SMYD4: variants seen among roughly 807,000 people sequenced by gnomAD.
The protein encoded by SMYD4 is SET and MYND domain containing 4, also known as protein-lysine N-methyltransferase SMYD4.
SMYD4 carries 68 observed loss-of-function variants against 72.8 expected under a neutral mutation model. The observed-to-expected ratio is 0.93, with a 90% CI of 0.77 to 1.14. The LOEUF is 1.14. SMYD4 is among the 50% of genes most tolerant of loss of function. The pLI, the probability that SMYD4 is intolerant of heterozygous loss-of-function variation, is 0.00. For synonymous variants in SMYD4, 407 were observed against 388.6 expected (o/e 1.05, Z -0.56); for missense variants, 984 against 1,003.7 (o/e 0.98, Z 0.27).
In SMYD4 at chr17:1,800,741, T is replaced by C; in HGVS notation, c.653A>G (p.Asp218Gly). 6.2e-7 allele frequency: 1 copy of C among 1,614,218 alleles called. No homozygotes were observed. The highest frequency in any genetic ancestry group is 1.3e-5 in the African/African-American group (1 of 75,062). The stretch of plus-strand genomic sequence containing the variant: ...TTCATTCTCCTCCCTCAGCGCTGCA[T>C]CCTCAAGGGTTTTGGCCAGAGCTGC... ...FPAALAKTLE[D>G]AALREENEQL... is the part of the protein sequence containing the mutation. Residue 218 changes from aspartate to glycine, a missense_variant, in exon 5 of 11, where the codon GAT becomes GGT. By Grantham distance (94) the Asp-to-Gly change is moderately conservative. Coordinates refer to ENST00000305513, the MANE Select transcript of SMYD4 (RefSeq NM_052928.3).
intron 5 of SMYD4, among the ~76,000 whole-genome samples, chr17:1,796,788 T>C (rs5005394): frequency 0.75 from 113,950 of 152,056 alleles, 43,528 homozygotes; most frequent in Non-Finnish European, 0.81. Flanking sequence ...AACTTTCTGC[T>C]ATTTAATTGG....
At chr17:1,816,138 C>T (rs1910580597) in intron 2 of SMYD4, among the ~76,000 whole-genome samples, 1 of 152,150 alleles carries the variant, frequency 6.6e-6, no homozygotes, top group Non-Finnish European at 1.5e-5. Flanking sequence ...ACTCCTCATT[C>T]CTCCCTCTCC....
At chr17:1,823,027 T>C (rs1399130050) in intron 2 of SMYD4, among the ~76,000 whole-genome samples, 8 of 152,040 alleles carry the variant, frequency 5.3e-5, no homozygotes, top group Non-Finnish European at 1.2e-4. Context: ...TAAGTGAATC[T>C]ATAAATCCAA....
chr17:1,796,430 C>T (rs1909415729), intron 5 of SMYD4, among the ~76,000 whole-genome samples: 1 of 150,728 alleles, frequency 6.6e-6, no homozygotes, highest in Admixed American at 6.7e-5. Flanking sequence ...GCCACTGCGG[C>T]TGGCTTCAGG....
Position 1,800,362 on chromosome 17 carries a change from C to G in SMYD4, c.1032G>C (p.Leu344=). ...TCAGGGCAATGTGGCAAAAGACACC[C>G]AGTGTGAGAAGCAGCCCTCCCAGAG... ...ECPLGGLLLT[L]GVFCHIALRL... The change falls in exon 5 of 11, where the codon CTG becomes CTC. Residue 344 remains leucine (L), a synonymous_variant. Coordinates refer to ENST00000305513, the MANE Select transcript of SMYD4 (RefSeq NM_052928.3). 1 of 1,614,162 alleles carries G rather than the reference C, an allele frequency of 6.2e-7. No individual in the cohort carries two copies. The highest frequency in any genetic ancestry group is 8.5e-7 in the Non-Finnish European group (1 of 1,180,036).
intron 2 of SMYD4, among the ~76,000 whole-genome samples, chr17:1,823,750 G>C (rs1292082144): frequency 1.3e-5 from 2 of 152,114 alleles, no homozygotes; most frequent in African/African-American, 4.8e-5. Flanking sequence ...AAATTCAGTT[G>C]ACCTGAGCCC....
intron 5 of SMYD4, among the ~76,000 whole-genome samples, chr17:1,798,896 C>A (rs1597378017): frequency 2.7e-5 from 4 of 148,222 alleles, no homozygotes; most frequent in African/African-American, 7.4e-5. Context: ...GACTCTGTCT[C>A]AAAAAAAAAA....
At chr17:1,806,243 G>C (rs1910030054) in intron 3 of SMYD4, among the ~76,000 whole-genome samples, 1 of 152,156 alleles carries the variant, frequency 6.6e-6, no homozygotes, top group African/African-American at 2.4e-5. Context: ...TGGAAGAACT[G>C]TAGAAAGCAT....
At chr17:1,821,847 C>T (rs1910908611) in intron 2 of SMYD4, among the ~76,000 whole-genome samples, 1 of 151,748 alleles carries the variant, frequency 6.6e-6, no homozygotes, top group Admixed American at 6.6e-5. Flanking sequence ...ATGAGAATCG[C>T]TTGAACCTGG....
chr17:1,798,005 A>C (rs932007947), intron 5 of SMYD4, among the ~76,000 whole-genome samples: 7 of 151,946 alleles, frequency 4.6e-5, no homozygotes, highest in African/African-American at 1.7e-4. Context: ...CCATCTCAGA[A>C]AAAAAAAGAA....
At chr17:1,824,677 T>C (rs1418631131) in intron 2 of SMYD4, among the ~76,000 whole-genome samples, 5 of 152,150 alleles carry the variant, frequency 3.3e-5, no homozygotes, top group South Asian at 2.1e-4. Context: ...TGGAGAGCAG[T>C]GGCACAATCT....
In SMYD4 at chr17:1,808,860, C is replaced by A. The variant is rs542116604; in HGVS notation, c.279+3111G>T. ...ATGGACTTTAATCCCTCAGCAACCA[C>A]TAAAGCTTACATTATTTAGCTAAAT... On this transcript the variant is annotated intron_variant, in intron 3 of 10. Coordinates refer to ENST00000305513, the MANE Select transcript of SMYD4 (RefSeq NM_052928.3). Among the ~76,000 whole-genome samples, 181 of 152,314 alleles carry A rather than the reference C, an allele frequency of 1.2e-3. 1 individual carries two copies. The highest frequency in any genetic ancestry group is 4.3e-3 in the African/African-American group (177 of 41,562).
chr17:1,787,478 G>A lies in SMYD4; in HGVS notation c.1664C>T (p.Ala555Val). The A allele has an allele frequency of 6.4e-7, 1 of 1,569,534 alleles. No homozygotes were observed. Among genetic ancestry groups the A allele is most frequent in the Non-Finnish European group, 8.6e-7 (1 of 1,157,158 alleles). Residue 555 changes from alanine to valine, a missense_variant, in exon 6 of 11, where the codon GCC becomes GTC. Physicochemically the swap from Ala to Val is moderately conservative, Grantham distance 64. Coordinates refer to ENST00000305513, the MANE Select transcript of SMYD4 (RefSeq NM_052928.3). ...AATCCGCTGTGACGCCCGGATGGTG[G>A]CGACAGTGCTAATGAAGGACACGCT... The part of the protein sequence containing the change: ...NTSVSFISTV[A>V]TIRASQRIRK...
intron 2 of SMYD4, among the ~76,000 whole-genome samples, chr17:1,824,725 T>TTC (rs1318839078): frequency 1.3e-5 from 2 of 152,132 alleles, no homozygotes; most frequent in Non-Finnish European, 2.9e-5. Flanking sequence ...GTTCAAGCAA[T>TTC]TCTCCTGTCT....
chr17:1,828,119 G>C (rs936426494), intron 1 of SMYD4, 113 bp from the exon 2 acceptor site: 1 of 1,013,944 alleles, frequency 9.9e-7, no homozygotes. Flanking sequence ...GGGAAGCCGA[G>C]GTAGGTGGAT....
intron 2 of SMYD4, chr17:1,814,874 T>C (rs1303223473): frequency 6.6e-6 from 1 of 152,170 alleles, no homozygotes; most frequent in African/African-American, 2.4e-5. Flanking sequence ...GTTCTACATT[T>C]ACTCCAGTCC....
chr17:1,824,106 G>A (rs1268445142), intron 2 of SMYD4, among the ~76,000 whole-genome samples: 3 of 152,168 alleles, frequency 2.0e-5, no homozygotes, highest in Non-Finnish European at 4.4e-5. Flanking sequence ...ACTTTGGGAG[G>A]CCAAGGTGGA....
Position 1,800,510 on chromosome 17 carries a change from T to C in SMYD4, c.884A>G (p.Tyr295Cys), listed in dbSNP as rs142408162. 522 of 1,614,174 alleles carry C rather than the reference T, an allele frequency of 3.2e-4. 3 individuals are homozygous for C. Among genetic ancestry groups the C allele is most frequent in the South Asian group, 3.0e-3 (273 of 91,082 alleles). ...AGTGTGCTTCAAACATCGGTGACAA[T>C]AGAGGTCCCCATTGGTGACTCTGGT... ...WDTRVTNGDL[Y>C]CHRCLKHTLA... Residue 295 changes from tyrosine to cysteine, a missense_variant, in exon 5 of 11, where the codon TAT (tyrosine) becomes TGT (cysteine). By Grantham distance (194) the Tyr-to-Cys change is radical. Coordinates refer to ENST00000305513, the MANE Select transcript of SMYD4 (RefSeq NM_052928.3).
In SMYD4 at chr17:1,800,633, A is replaced by C; in HGVS notation, c.761T>G (p.Leu254Arg). 1 of 1,614,170 alleles carries C rather than the reference A, an allele frequency of 6.2e-7. No individual in the cohort carries two copies. The highest frequency in any genetic ancestry group is 8.5e-7 in the Non-Finnish European group (1 of 1,180,038). Residue 254 changes from leucine to arginine, a missense_variant, in exon 5 of 11, where the codon CTC (leucine) becomes CGC (arginine). By Grantham distance (102) the Leu-to-Arg change is moderately radical (BLOSUM62 -2). Coordinates refer to ENST00000305513, the MANE Select transcript of SMYD4 (RefSeq NM_052928.3). Reference protein sequence around the residue: ...GRCLVATKDILPGELLVQEDA... With the variant: ...GRCLVATKDIRPGELLVQEDA... ...CTCCTGCACCAGGAGCTCTCCTGGG[A>C]GAATATCTTTTGTGGCAACGAGACA...
Sources: allele counts gnomAD v4.1 joint callset (sites outside exome capture counted in the v4.1 genomes callset), GRCh38; gene constraint gnomAD v4.1.1; transcripts MANE v1.5; gene names NCBI Gene and HGNC (gene_info 2026-07-23, HGNC 2026-07-21).